Variants in TRAPPC6B observed in about 807,000 individuals in gnomAD.
TRAPPC6B encodes the protein TRAPP complex subunit 6B.
Under a neutral mutation model 24.7 loss-of-function variants are expected in TRAPPC6B, and 27 were observed. That is an observed-to-expected ratio of 1.09 (90% CI 0.81 to 1.51). The LOEUF (loss-of-function observed/expected upper bound fraction) is 1.51, where lower values mean the gene tolerates loss of function less well. TRAPPC6B is among the 40% of genes most tolerant of loss of function. The pLI is 0.00. For missense variants in TRAPPC6B, 212 were observed against 190.8 expected, an observed-to-expected ratio of 1.11 and a Z score of -0.66; for synonymous variants, 80 against 66.6, an observed-to-expected ratio of 1.20 and a Z score of -0.98.
At chr14:39,155,158 G>C (rs986577681) in intron 3 of TRAPPC6B, among the ~76,000 whole-genome samples, 3 of 152,076 alleles carry the variant, frequency 2.0e-5, no homozygotes, top group Non-Finnish European at 1.5e-5. Flanking sequence ...TGGAACTCCA[G>C]GGCTCAAGTA....
Position 39,149,462 on chromosome 14 carries a change from G to A in TRAPPC6B, c.*888C>T, listed in dbSNP as rs1357757995. ...TAATTTAAGTAAGAGAAAGTAAGTA[G>A]AAGAGGTGGTAAGAAAGATATATCA... On this transcript the variant is annotated 3_prime_UTR_variant, in exon 6 of 6. Transcript: ENST00000330149. 1 of 152,220 alleles carries A rather than the reference G, an allele frequency of 6.6e-6. No homozygotes were observed. The highest frequency in any genetic ancestry group is 1.5e-5 in the Non-Finnish European group (1 of 68,038). The allele number at this position is 152,220 out of a possible 1,614,324, so 9.4% of individuals were successfully genotyped here. A position where few individuals can be genotyped will look rare whatever the true frequency, so the allele number is the denominator to read the frequency against.
chr14:39,166,545 G>C (rs1244776367), intron 1 of TRAPPC6B, among the ~76,000 whole-genome samples: 1 of 152,152 alleles, frequency 6.6e-6, no homozygotes, highest in African/African-American at 2.4e-5. Context: ...TAAGCTTAAA[G>C]CAAGAATGAT....
intron 1 of TRAPPC6B, among the ~76,000 whole-genome samples, chr14:39,168,408 G>A (rs2053131053): frequency 2.0e-5 from 3 of 152,120 alleles, no homozygotes; most frequent in Admixed American, 2.0e-4. Context: ...CAATAATAAA[G>A]TCAGAAGTTT....
chr14:39,169,541 C>T (rs2053143197), intron 1 of TRAPPC6B, among the ~76,000 whole-genome samples: 1 of 152,100 alleles, frequency 6.6e-6, no homozygotes, highest in Admixed American at 6.5e-5. Flanking sequence ...TGCAAACTTT[C>T]CTTTGCAAAC....
intron 1 of TRAPPC6B, among the ~76,000 whole-genome samples, chr14:39,166,164 T>C (rs1223794151): frequency 6.6e-6 from 1 of 151,402 alleles, no homozygotes; most frequent in Non-Finnish European, 1.5e-5. Context: ...GGTCTCCAAC[T>C]CCTGGGCTCA....
At chr14:39,156,117 G>C (rs1400711582) in intron 3 of TRAPPC6B, among the ~76,000 whole-genome samples, 1 of 152,092 alleles carries the variant, frequency 6.6e-6, no homozygotes, top group Non-Finnish European at 1.5e-5. Context: ...AGTAAATCAT[G>C]TCTAGAGAGT....
At chr14:39,153,446 C>T (rs528874869) in intron 4 of TRAPPC6B, among the ~76,000 whole-genome samples, 3 of 148,210 alleles carry the variant, frequency 2.0e-5, no homozygotes, top group East Asian at 4.1e-4. Flanking sequence ...TGGGCAACAT[C>T]GTGGGATCCC....
At chr14:39,159,381 G>A (rs1158219378) in intron 2 of TRAPPC6B, 102 bp downstream of exon 2, 48 of 724,732 alleles carry the variant, frequency 6.6e-5, no homozygotes, top group African/African-American at 1.8e-5. Context: ...TAACATTCAG[G>A]AATTAAAATT....
intron 3 of TRAPPC6B, 83 bp downstream of exon 3, chr14:39,158,202 T>C (rs1296472806): frequency 2.7e-6 from 2 of 753,034 alleles, no homozygotes; most frequent in Non-Finnish European, 4.3e-6. Flanking sequence ...GAAATTATTT[T>C]AGGTTTTAAA....
intron 1 of TRAPPC6B, among the ~76,000 whole-genome samples, chr14:39,164,836 C>G (rs1566550949): frequency 6.6e-6 from 1 of 152,106 alleles, no homozygotes; most frequent in Non-Finnish European, 1.5e-5. Context: ...GATCCTGTCT[C>G]AAAACAAACC....
chr14:39,168,147 C>A (rs888350421), intron 1 of TRAPPC6B, among the ~76,000 whole-genome samples: 10 of 149,016 alleles, frequency 6.7e-5, no homozygotes, highest in Non-Finnish European at 1.3e-4. Flanking sequence ...ACCCAAGAGG[C>A]GGAGGCTGCA....
In TRAPPC6B at chr14:39,164,256, C is replaced by A. The variant is rs572966754; in HGVS notation, c.82-4706G>T. On this transcript the variant is annotated intron_variant, in intron 1 of 5. Transcript: ENST00000330149. ...CACGCCTCCTAGCATTTTGGGAGGCCGAGGCAGGCGGATTACCTGAGGTCA... is the reference window on the plus strand; with the variant it reads ...CACGCCTCCTAGCATTTTGGGAGGCAGAGGCAGGCGGATTACCTGAGGTCA... Among the ~76,000 whole-genome samples, 5 of 152,194 alleles carry A rather than the reference C, an allele frequency of 3.3e-5. No homozygotes were observed. The East Asian group carries it at 7.7e-4, about 24-fold the overall frequency.
intron 4 of TRAPPC6B, among the ~76,000 whole-genome samples, chr14:39,153,430 C>A (rs1279196412): frequency 6.7e-6 from 1 of 150,130 alleles, no homozygotes; most frequent in Non-Finnish European, 1.5e-5. Context: ...GAGTTCAAGA[C>A]GAGCCTGGGC....
chr14:39,162,925 GC>G lies in TRAPPC6B; in HGVS notation c.82-3376del, dbSNP rs576367229. On this transcript the variant is annotated intron_variant, in intron 1 of 5. Transcript: ENST00000330149. ...TAAACATGCCAGGCACATTCCAGGG[GC>G]TTTTGCATCAACTCTTCCTCCAGAT... 3.5e-5 allele frequency among the ~76,000 whole-genome samples: 5 copies of G among 143,562 alleles called. No individual in the cohort carries two copies. The South Asian group carries it at 1.0e-3, about 30-fold the overall frequency. 94.2% of individuals were successfully genotyped at this position (143,562 alleles called of 152,430 possible). A position where few individuals can be genotyped will look rare whatever the true frequency, so the allele number is the denominator to read the frequency against.
intron 3 of TRAPPC6B, chr14:39,157,921 A>ATTC (rs1449596216): frequency 3.0e-5 from 5 of 168,142 alleles, no homozygotes; most frequent in African/African-American, 1.2e-4. Flanking sequence ...TTCTTCTTCA[A>ATTC]AAAAAAGAAA....
At chr14:39,154,927 T>C (rs2052957949) in intron 3 of TRAPPC6B, among the ~76,000 whole-genome samples, 1 of 152,124 alleles carries the variant, frequency 6.6e-6, no homozygotes, top group Non-Finnish European at 1.5e-5. Flanking sequence ...AGCTGTTTGT[T>C]TGTATAGTTA....
intron 1 of TRAPPC6B, among the ~76,000 whole-genome samples, chr14:39,169,218 T>C (rs2053139777): frequency 6.6e-6 from 1 of 152,220 alleles, no homozygotes; most frequent in Non-Finnish European, 1.5e-5. Context: ...ATACTCAGTG[T>C]TAACTATTCA....
At chr14:39,165,260 C>T (rs565597860) in intron 1 of TRAPPC6B, among the ~76,000 whole-genome samples, 28 of 151,946 alleles carry the variant, frequency 1.8e-4, no homozygotes, top group East Asian at 7.7e-4. Flanking sequence ...TTAGCCAGGA[C>T]GGTCTCGATC....
rs1470259875 is a variant in TRAPPC6B, at chr14:39,149,697, T to C, written c.*653A>G. On this transcript the variant is annotated 3_prime_UTR_variant, in exon 6 of 6. Coordinates refer to ENST00000330149, the MANE Select transcript of TRAPPC6B (RefSeq NM_001079537.2). ...AAAAATTCTTTCCAAACATACCTAA[T>C]ATTCTTTGGCCCTAGAGTCACTGAA... 3.3e-5 allele frequency: 5 copies of C among 152,236 alleles called. No individual in the cohort carries two copies. Among genetic ancestry groups the C allele is most frequent in the Admixed American group, 6.5e-5 (1 of 15,268 alleles). The allele number at this position is 152,236 out of a possible 1,614,324, so 9.4% of individuals were successfully genotyped here.
Sources: gnomAD v4.1 joint callset for allele counts (sites outside exome capture counted in the v4.1 genomes callset) on GRCh38, gnomAD v4.1.1 for gene constraint, MANE v1.5 for transcripts, NCBI Gene and HGNC (gene_info 2026-07-23, HGNC 2026-07-21) for gene names.